The following EML4 variants were observed in gnomAD, a reference collection of about 807,000 sequenced individuals.
EML4 encodes echinoderm microtubule-associated protein-like 4.
In EML4, 72 loss-of-function variants were observed where a neutral mutation model predicts 129.0. The observed-to-expected ratio is 0.56, with a 90% CI of 0.46 to 0.68. EML4 has a LOEUF of 0.68. EML4 is among the 30% of genes least tolerant of loss of function. The pLI, the probability that EML4 is intolerant of heterozygous loss-of-function variation, is 0.00. For synonymous variants in EML4, 532 were observed against 405.0 expected (o/e 1.31, Z -3.77); for missense variants, 1,363 against 1,190.6 (o/e 1.14, Z -2.13).
intron 2 of EML4, among the ~76,000 whole-genome samples, chr2:42,247,227 CACA>C (rs1675468689): frequency 6.6e-6 from 1 of 152,066 alleles, no homozygotes; most frequent in Non-Finnish European, 1.5e-5. Context: ...CTTTGAGAAC[CACA>C]ACTTCTAGCC....
At chr2:42,297,246 C>T (rs1668010514) in intron 13 of EML4, among the ~76,000 whole-genome samples, 1 of 152,040 alleles carries the variant, frequency 6.6e-6, no homozygotes, top group Admixed American at 6.6e-5. Context: ...CTTTCCTGGG[C>T]ACATTTACTT....
intron 13 of EML4, among the ~76,000 whole-genome samples, chr2:42,298,108 G>A (rs909927080): frequency 2.0e-5 from 3 of 152,188 alleles, no homozygotes; most frequent in African/African-American, 7.2e-5. Context: ...CCATTAAAAT[G>A]TTCACCATTC....
intron 2 of EML4, among the ~76,000 whole-genome samples, chr2:42,251,172 T>A (rs1675742980): frequency 6.6e-6 from 1 of 152,218 alleles, no homozygotes; most frequent in Non-Finnish European, 1.5e-5. Flanking sequence ...GCCCAGGGGT[T>A]GGGGACCCCT....
chr2:42,237,793 A>T (rs1036300890), intron 1 of EML4, among the ~76,000 whole-genome samples: 1 of 152,236 alleles, frequency 6.6e-6, no homozygotes, highest in Non-Finnish European at 1.5e-5. Context: ...ATCAAAATGG[A>T]TCGTCATAAG....
At chr2:42,283,689 T>G (rs1316732966) in intron 8 of EML4, among the ~76,000 whole-genome samples, 2 of 152,170 alleles carry the variant, frequency 1.3e-5, no homozygotes, top group Non-Finnish European at 2.9e-5. Context: ...ATTGAACTTT[T>G]GGAGTTGATT....
intron 1 of EML4, among the ~76,000 whole-genome samples, chr2:42,244,362 G>T (rs1353620351): frequency 3.9e-5 from 6 of 152,100 alleles, no homozygotes; most frequent in African/African-American, 1.4e-4. Flanking sequence ...CTCCCAAAGT[G>T]CTGGGATTAC....
At chr2:42,292,843 C>T (rs140383375) in intron 11 of EML4, among the ~76,000 whole-genome samples, 1 of 152,138 alleles carries the variant, frequency 6.6e-6, no homozygotes, top group East Asian at 1.9e-4. Context: ...TCATAGATTT[C>T]TTCAGTTTAT....
rs74261290 is a variant in EML4, at chr2:42,313,293, C to G, written c.1968-2669C>G. On this transcript the variant is annotated intron_variant, in intron 17 of 22. Transcript: ENST00000318522. ...ATCTTAACATGTATTTGATTGATGT[C>G]TCATATCACCCTTAAATGTATAAAA... 6.5e-4 allele frequency among the ~76,000 whole-genome samples: 99 copies of G among 152,244 alleles called. 4 individuals carry two copies. The East Asian group carries it at 0.017, about 26-fold the overall frequency.
In EML4 at chr2:42,192,243, TG is replaced by T. The variant is rs369627234; in HGVS notation, c.25+22616del. Among the ~76,000 whole-genome samples the T allele has an allele frequency of 4.0e-4, 58 of 145,128 alleles. 2 individuals are homozygous for T. The South Asian group carries it at 9.3e-3, about 23-fold the overall frequency. Reference sequence around the variant, plus strand: ...TTTGTTGTTTTTTTGTTTTTTTTTTTGGGGGGGGGAGGTGTAGTCTTGCTCC... The same window carrying T: ...TTTGTTGTTTTTTTGTTTTTTTTTTTGGGGGGGGAGGTGTAGTCTTGCTCC... On this transcript the variant is annotated intron_variant, in intron 1 of 22. Transcript: ENST00000318522.
intron 19 of EML4, among the ~76,000 whole-genome samples, chr2:42,320,630 A>T (rs1404146951): frequency 6.6e-6 from 1 of 152,216 alleles, no homozygotes; most frequent in Admixed American, 6.5e-5. Context: ...ATCTATTAAA[A>T]TTCAAAAATA....
intron 19 of EML4, among the ~76,000 whole-genome samples, chr2:42,321,013 AG>A: frequency 6.6e-6 from 1 of 152,324 alleles, no homozygotes; most frequent in East Asian, 1.9e-4. Context: ...GAAATCGCCA[AG>A]AAAATAAATC....
intron 1 of EML4, among the ~76,000 whole-genome samples, chr2:42,217,547 G>C (rs1673274950): frequency 2.0e-5 from 3 of 152,090 alleles, no homozygotes; most frequent in Non-Finnish European, 4.4e-5. Context: ...TGCTGTGTTT[G>C]AATTATGTTA....
chr2:42,290,247 T>C (rs142471786), intron 11 of EML4, among the ~76,000 whole-genome samples: 1 of 152,252 alleles, frequency 6.6e-6, no homozygotes, highest in East Asian at 1.9e-4. Context: ...TCTCCTCTTC[T>C]CCCTGTCTTG....
At chr2:42,255,973 G>A (rs1438821901) in intron 2 of EML4, among the ~76,000 whole-genome samples, 1 of 152,128 alleles carries the variant, frequency 6.6e-6, no homozygotes. Context: ...ATGATGTTGT[G>A]TCTTCTGACC....
rs751135716 is a variant in EML4, at chr2:42,263,260, C to T, written c.595C>T (p.Pro199Ser). 1.2e-6 allele frequency: 2 copies of T among 1,612,910 alleles called. No homozygotes were observed. Among genetic ancestry groups the T allele is most frequent in the African/African-American group, 1.3e-5 (1 of 74,844 alleles). Residue 199 changes from proline (P) to serine (S), a missense_variant, in exon 5 of 23, where the codon CCT becomes TCT. Coordinates refer to ENST00000318522, the MANE Select transcript of EML4 (RefSeq NM_019063.5). Reference sequence around the variant, plus strand: ...TAGCCGTAATAAATTGTCGAAAATACCTTCAACACCCAAATTAATACCAAA... The same window carrying T: ...TAGCCGTAATAAATTGTCGAAAATATCTTCAACACCCAAATTAATACCAAA... Reference protein sequence around the residue: ...DDSRNKLSKIPSTPKLIPKVT... With the variant: ...DDSRNKLSKISSTPKLIPKVT...
At chr2:42,229,549 C>T (rs1015928703) in intron 1 of EML4, among the ~76,000 whole-genome samples, 6 of 151,870 alleles carry the variant, frequency 4.0e-5, no homozygotes, top group African/African-American at 1.5e-4. Flanking sequence ...CAAGAGTCAC[C>T]CATTCACCAC....
chr2:42,268,665 T>G (rs895229071), intron 6 of EML4, among the ~76,000 whole-genome samples: 2 of 152,118 alleles, frequency 1.3e-5, no homozygotes, highest in African/African-American at 4.8e-5. Flanking sequence ...CTCAAACTTT[T>G]AGCCTCAAGC....
At chr2:42,185,765 T>A (rs1266906417) in intron 1 of EML4, among the ~76,000 whole-genome samples, 1 of 152,128 alleles carries the variant, frequency 6.6e-6, no homozygotes, top group South Asian at 2.1e-4. Context: ...TTTAGAAAGT[T>A]TAGTTTGCTC....
At chr2:42,240,691 G>C (rs1674970677) in intron 1 of EML4, among the ~76,000 whole-genome samples, 1 of 152,052 alleles carries the variant, frequency 6.6e-6, no homozygotes, top group African/African-American at 2.4e-5. Context: ...ATAATAAACA[G>C]TGCAATAAAG....
Sources: allele counts gnomAD v4.1 joint callset (sites outside exome capture counted in the v4.1 genomes callset), GRCh38; gene constraint gnomAD v4.1.1; transcripts MANE v1.5; gene names NCBI Gene and HGNC (gene_info 2026-07-23, HGNC 2026-07-21).